Variants in JOSD2 observed in about 807,000 individuals in gnomAD.
JOSD2 encodes josephin-2.
JOSD2 carries 20 observed loss-of-function variants against 19.3 expected under a neutral mutation model. That is an observed-to-expected ratio of 1.04 (90% CI 0.73 to 1.51). The LOEUF is 1.51. Among genes scored for constraint, JOSD2 ranks in the 40% most tolerant of loss-of-function variants. The pLI is 0.00. For synonymous variants in JOSD2, 118 were observed against 123.7 expected, an observed-to-expected ratio of 0.95 and a Z score of 0.31; for missense variants, 215 against 250.4, an observed-to-expected ratio of 0.86 and a Z score of 0.95.
chr19:50,510,164 A>T, intron 2 of JOSD2, 122 bp downstream of exon 2: 1 of 1,185,316 alleles, frequency 8.4e-7, no homozygotes, highest in South Asian at 1.4e-5. Context: ...CGTCTAGCTT[A>T]GGCAAGTGAG....
At chr19:50,507,427 T>C in intron 3 of JOSD2, 147 bp downstream of exon 3, 1 of 1,102,526 alleles carries the variant, frequency 9.1e-7, no homozygotes, top group Non-Finnish European at 1.3e-6. Context: ...CCACCTGATC[T>C]CCCCCTTTCA....
chr19:50,509,274 G>A lies in JOSD2; in HGVS notation c.146+1012C>T, dbSNP rs144545526. ...ATTTTTTATTTATTTTTATTTTTTA[G>A]TAGAGACGGGGTTTCGCCCTGTTGG... On this transcript the variant is annotated intron_variant, in intron 2 of 4. Coordinates refer to ENST00000598418, the MANE Select transcript of JOSD2 (RefSeq NM_001270639.2). 7.9e-3 allele frequency among the ~76,000 whole-genome samples: 1,195 copies of A among 151,884 alleles called. 17 individuals are homozygous for A. Among genetic ancestry groups the A allele is most frequent in the African/African-American group, 0.027 (1,120 of 41,410 alleles).
At chr19:50,507,472 A>G in intron 3 of JOSD2, 102 bp downstream of exon 3, 3 of 1,467,164 alleles carry the variant, frequency 2.0e-6, no homozygotes, top group Non-Finnish European at 2.7e-6. Context: ...ATTCATGCCA[A>G]CCTCCCCCAG....
chr19:50,509,339 C>T (rs1979588158), intron 2 of JOSD2, among the ~76,000 whole-genome samples: 1 of 152,046 alleles, frequency 6.6e-6, no homozygotes, highest in African/African-American at 2.4e-5. Flanking sequence ...GTGATCCACC[C>T]GCCTCAGCCT....
At chr19:50,510,184 G>C in intron 2 of JOSD2, 102 bp downstream of exon 2, 4 of 1,435,100 alleles carry the variant, frequency 2.8e-6, no homozygotes, top group Non-Finnish European at 3.8e-6. Flanking sequence ...GCGCGGAGCA[G>C]AAGAAAGCCC....
chr19:50,508,532 G>A (rs1979522294), intron 2 of JOSD2, among the ~76,000 whole-genome samples: 1 of 151,370 alleles, frequency 6.6e-6, no homozygotes, highest in African/African-American at 2.4e-5. Context: ...CATCCCCGGT[G>A]CCCACCGCCT....
rs564062849 is a variant in JOSD2 at position 50,507,192 on chromosome 19, T to A, written c.272+382A>T. Among the ~76,000 whole-genome samples, 82 of 138,184 alleles carry A rather than the reference T, an allele frequency of 5.9e-4. 3 individuals are homozygous for A. The South Asian group carries it at 0.019, about 33-fold the overall frequency. The allele number at this position is 138,184 out of a possible 152,430, so 90.7% of individuals were successfully genotyped here. On this transcript the variant is annotated intron_variant, in intron 3 of 4. Transcript: ENST00000598418. Reference sequence around the variant, plus strand: ...CATGCCCCCAATCCTCACTCACTCTTGACCCCCCTGCCATTGGTCTACCCC... The same window carrying A: ...CATGCCCCCAATCCTCACTCACTCTAGACCCCCCTGCCATTGGTCTACCCC...
intron 2 of JOSD2, among the ~76,000 whole-genome samples, chr19:50,508,698 CGTGTGTGTGTGTGTGTGTGT>C (rs58475114): frequency 4.2e-4 from 59 of 140,910 alleles, no homozygotes; most frequent in African/African-American, 1.6e-3. Context: ...GGAAAACGCT[CGTGTGTGTGTGTGTGTGTGT>C]GTGTGTGTGT....
In JOSD2 at chr19:50,505,999, G is replaced by A; in HGVS notation, c.*174C>T. 1 of 639,644 alleles carries A rather than the reference G, an allele frequency of 1.6e-6. No individual in the cohort carries two copies. Among genetic ancestry groups the A allele is most frequent in the Non-Finnish European group, 2.7e-6 (1 of 374,478 alleles). 39.6% of individuals were successfully genotyped at this position (639,644 alleles called of 1,614,324 possible). ...GGGCCGTCAGACACAGGCCAGGCAG[G>A]CAGCAAATCAGCAGATTTATTGAGG... On this transcript the variant is annotated 3_prime_UTR_variant, in exon 5 of 5. Transcript: ENST00000598418.
chr19:50,509,062 A>G (rs1387455042), intron 2 of JOSD2, among the ~76,000 whole-genome samples: 1 of 148,902 alleles, frequency 6.7e-6, no homozygotes, highest in African/African-American at 2.5e-5. Flanking sequence ...GGCCAGGGAC[A>G]TGGGGACAGA....
chr19:50,511,042 C>A, intron 1 of JOSD2, 75 bp downstream of exon 1: 1 of 448,652 alleles, frequency 2.2e-6, no homozygotes, highest in Non-Finnish European at 4.5e-6. Context: ...CCTCCCCGGA[C>A]ACCAAGGAAT....
At chr19:50,510,063 A>AAAAAAGAAAAG in intron 2 of JOSD2, 1 of 460,358 alleles carries the variant, frequency 2.2e-6, no homozygotes. Flanking sequence ...AAAAAAAAAA[A>AAAAAAGAAAAG]AAAAGAAAGA....
chr19:50,507,777 C>T, intron 2 of JOSD2, 78 bp from the exon 3 acceptor site: 2 of 1,532,280 alleles, frequency 1.3e-6, no homozygotes, highest in Admixed American at 1.9e-5. Context: ...CCAGGGGCCA[C>T]AAGTTGCCTC....
intron 2 of JOSD2, among the ~76,000 whole-genome samples, chr19:50,509,509 C>T (rs1387214964): frequency 6.6e-6 from 1 of 152,112 alleles, no homozygotes; most frequent in Non-Finnish European, 1.5e-5. Context: ...CAGAAGGGCT[C>T]ACGGGAGTGG....
At position 50,510,453 on chromosome 19, in the gene JOSD2, G is replaced by A. The variant is rs776542302; in HGVS notation, c.-17-5C>T. The A allele has an allele frequency of 2.2e-5, 35 of 1,590,656 alleles. No homozygotes were observed. The Admixed American group carries it at 5.0e-4, about 23-fold the overall frequency. ...ACATGCCGTCCTCGGCTCCTGCTGG[G>A]GGTTGGGAGGGGGAGAAGGTCCTCA... On this transcript the variant is annotated splice_region_variant and splice_polypyrimidine_tract_variant and intron_variant, in intron 1 of 4. Coordinates refer to ENST00000598418, the MANE Select transcript of JOSD2 (RefSeq NM_001270639.2).
At chr19:50,506,847 A>C (rs906948308) in intron 3 of JOSD2, among the ~76,000 whole-genome samples, 15 of 111,142 alleles carry the variant, frequency 1.3e-4, no homozygotes, top group Admixed American at 8.4e-4. Flanking sequence ...GCCCTTCACC[A>C]ACCACCATCA....
intron 3 of JOSD2, among the ~76,000 whole-genome samples, chr19:50,506,808 CCCACCCACCGTCCACCCAA>C (rs1444294860): frequency 1.6e-5 from 2 of 123,764 alleles, no homozygotes; most frequent in Non-Finnish European, 3.5e-5. Context: ...CGTCCACCCA[CCCACCCACCGTCCACCCAA>C]CTCACATCGG....
At chr19:50,508,971 T>C (rs1979559023) in intron 2 of JOSD2, among the ~76,000 whole-genome samples, 1 of 151,688 alleles carries the variant, frequency 6.6e-6, no homozygotes, top group Non-Finnish European at 1.5e-5. Context: ...AAAGACTCTC[T>C]AGGATCAAGT....
At position 50,510,322 on chromosome 19, in the gene JOSD2, AGCT is replaced by A; in HGVS notation, c.107_109del (p.Gln36del). 1.9e-6 allele frequency: 3 copies of A among 1,613,502 alleles called. No individual in the cohort carries two copies. Among genetic ancestry groups the A allele is most frequent in the Non-Finnish European group, 1.7e-6 (2 of 1,180,004 alleles). On this transcript the variant is annotated inframe_deletion, in exon 2 of 5. Coordinates refer to ENST00000598418, the MANE Select transcript of JOSD2 (RefSeq NM_001270639.2). ...CTCATCGGCAGCCTCCTGGCTAAAG[AGCT>A]GCTGCTGCAGAACGTTGTTGAGGGC...
Sources: allele counts gnomAD v4.1 joint callset (sites outside exome capture counted in the v4.1 genomes callset), GRCh38; gene constraint gnomAD v4.1.1; transcripts MANE v1.5; gene names NCBI Gene and HGNC (gene_info 2026-07-23, HGNC 2026-07-21).